AOPEP: variants seen among roughly 807,000 people sequenced by gnomAD.
The protein encoded by AOPEP is aminopeptidase O.
In AOPEP, 77 loss-of-function variants were observed where a neutral mutation model predicts 98.1. That is an observed-to-expected ratio of 0.78 (90% CI 0.65 to 0.95). AOPEP has a LOEUF of 0.95. Ranked by LOEUF, AOPEP falls within the 40% of genes least tolerant of loss-of-function variation. AOPEP has a pLI of 0.00. For missense variants in AOPEP, 1,024 were observed against 1,024.7 expected (o/e 1.00, Z 0.01); for synonymous variants, 346 against 365.3 (o/e 0.95, Z 0.60).
At chr9:94,926,073 C>G (rs2054274266) in intron 6 of AOPEP, among the ~76,000 whole-genome samples, 1 of 152,208 alleles carries the variant, frequency 6.6e-6, no homozygotes, top group African/African-American at 2.4e-5. Context: ...CTGAGACTCT[C>G]AGATTCGCGC....
At chr9:94,886,393 A>G (rs1465764424) in intron 5 of AOPEP, among the ~76,000 whole-genome samples, 1 of 152,204 alleles carries the variant, frequency 6.6e-6, no homozygotes, top group Non-Finnish European at 1.5e-5. Flanking sequence ...AAGGTTAAAA[A>G]ATCCTTTTTA....
intron 5 of AOPEP, among the ~76,000 whole-genome samples, chr9:94,891,119 C>T (rs1477059130): frequency 1.3e-5 from 2 of 152,170 alleles, no homozygotes; most frequent in Admixed American, 6.5e-5. Flanking sequence ...CTTTTAAGCT[C>T]TTGTTTAGTG....
intron 5 of AOPEP, among the ~76,000 whole-genome samples, chr9:94,888,499 G>T (rs1047304673): frequency 6.6e-6 from 1 of 152,164 alleles, no homozygotes; most frequent in Non-Finnish European, 1.5e-5. Context: ...AATTTATTCA[G>T]ATTTCAGCAG....
At chr9:94,983,449 C>T (rs921566128) in intron 11 of AOPEP, among the ~76,000 whole-genome samples, 8 of 152,150 alleles carry the variant, frequency 5.3e-5, no homozygotes, top group Non-Finnish European at 1.0e-4. Context: ...AATTATATTT[C>T]GCTTGGACTG....
chr9:94,992,726 C>T (rs560409367), intron 11 of AOPEP, among the ~76,000 whole-genome samples: 10 of 152,308 alleles, frequency 6.6e-5, no homozygotes, highest in Admixed American at 6.5e-4. Flanking sequence ...GGGAGCTGGC[C>T]TGGGTGAAGG....
intron 5 of AOPEP, among the ~76,000 whole-genome samples, chr9:94,886,825 T>C (rs962807878): frequency 2.0e-5 from 3 of 152,212 alleles, no homozygotes; most frequent in African/African-American, 2.4e-5. Flanking sequence ...ATATACTATA[T>C]ATGGGTTTGT....
intron 5 of AOPEP, among the ~76,000 whole-genome samples, chr9:94,897,724 C>G (rs1331883479): frequency 6.6e-6 from 1 of 152,062 alleles, no homozygotes; most frequent in African/African-American, 2.4e-5. Flanking sequence ...AAAATTAACT[C>G]ATTAGTAAAG....
At chr9:94,969,872 C>A (rs1268280338) in intron 10 of AOPEP, among the ~76,000 whole-genome samples, 2 of 152,142 alleles carry the variant, frequency 1.3e-5, no homozygotes, top group African/African-American at 4.8e-5. Context: ...GAAATGAATT[C>A]TTTGACACAG....
At chr9:95,090,790 C>T (rs372411233), downstream of AOPEP, among the ~76,000 whole-genome samples, 3 of 152,154 alleles carry the variant, frequency 2.0e-5, no homozygotes. Flanking sequence ...CCAGGGAAGA[C>T]GGTCAGGTCC....
intron 5 of AOPEP, among the ~76,000 whole-genome samples, chr9:94,880,690 A>G (rs1157291916): frequency 2.6e-5 from 4 of 151,798 alleles, no homozygotes; most frequent in Admixed American, 6.6e-5. Context: ...ATTGTGTACT[A>G]CTCTAAAAGC....
intron 11 of AOPEP, among the ~76,000 whole-genome samples, chr9:94,986,558 T>C (rs2060531170): frequency 6.6e-6 from 1 of 152,196 alleles, no homozygotes; most frequent in Non-Finnish European, 1.5e-5. Flanking sequence ...GGTACATGTT[T>C]TGGTCCCAAA....
intron 5 of AOPEP, among the ~76,000 whole-genome samples, chr9:94,857,509 T>C (rs1262323917): frequency 6.6e-6 from 1 of 152,202 alleles, no homozygotes; most frequent in Non-Finnish European, 1.5e-5. Flanking sequence ...GGAGGAGAGA[T>C]TGAGAGTATG....
the AOPEP span, chr9:95,135,454 C>T: frequency 6.2e-7 from 1 of 1,613,968 alleles, no homozygotes; most frequent in South Asian, 1.1e-5. Flanking sequence ...TGGGAAGGTG[C>T]CGAAGCCAGA....
At chr9:95,114,462 G>T in the AOPEP span, 1 of 726,294 alleles carries the variant, frequency 1.4e-6, no homozygotes. Flanking sequence ...CAAGCCATCC[G>T]TGCAGCCATG....
In AOPEP at chr9:94,988,499, G is replaced by A. The variant is rs1200313114; in HGVS notation, c.1977+9072G>A. Among the ~76,000 whole-genome samples, 4 of 152,180 alleles carry A rather than the reference G, an allele frequency of 2.6e-5. No homozygotes were observed. In the East Asian group the frequency reaches 7.7e-4, roughly 29 times the overall value. On this transcript the variant is annotated intron_variant, in intron 11 of 16. Coordinates refer to ENST00000375315, the MANE Select transcript of AOPEP (RefSeq NM_001193329.3). ...TCAGATGCAAACAGACACATTGAAA[G>A]TATGACACCGTAGAGAGAAAGCTAA...
chr9:94,781,554 T>C (rs1843243366), intron 3 of AOPEP, among the ~76,000 whole-genome samples: 1 of 151,656 alleles, frequency 6.6e-6, no homozygotes, highest in African/African-American at 2.4e-5. Flanking sequence ...TTAGTTTTTT[T>C]TTTTTTTAAT....
rs989549273 is a variant in AOPEP, at chr9:95,086,846, A to G, written c.*169A>G. Reference sequence around the variant, plus strand: ...TCTTTCCCAGAGGCTGGTCCCAGCCAGGCACACACAAAAGGCAGATTCTCG... The same window carrying G: ...TCTTTCCCAGAGGCTGGTCCCAGCCGGGCACACACAAAAGGCAGATTCTCG... On this transcript the variant is annotated 3_prime_UTR_variant, in exon 17 of 17. Transcript: ENST00000375315. 3 of 987,868 alleles carry G rather than the reference A, an allele frequency of 3.0e-6. No individual in the cohort carries two copies. The highest frequency in any genetic ancestry group is 1.2e-6 in the Non-Finnish European group (1 of 830,132). 61.2% of individuals were successfully genotyped at this position (987,868 alleles called of 1,614,324 possible). A position where few individuals can be genotyped will look rare whatever the true frequency, so the allele number is the denominator to read the frequency against.
chr9:95,012,977 GT>G (rs373067434), intron 13 of AOPEP, among the ~76,000 whole-genome samples: 143 of 21,874 alleles, frequency 6.5e-3, no homozygotes, highest in Middle Eastern at 0.025. Context: ...GAGTTTTCCT[GT>G]TTTTTTTTTG....
chr9:94,983,749 T>C (rs2060338838), intron 11 of AOPEP, among the ~76,000 whole-genome samples: 1 of 152,202 alleles, frequency 6.6e-6, no homozygotes, highest in Admixed American at 6.5e-5. Context: ...CCTTTGTGCA[T>C]GCCCTTTGCT....
Sources: gnomAD v4.1 joint callset for allele counts (sites outside exome capture counted in the v4.1 genomes callset) on GRCh38, gnomAD v4.1.1 for gene constraint, MANE v1.5 for transcripts, NCBI Gene and HGNC (gene_info 2026-07-23, HGNC 2026-07-21) for gene names.